FSTL4: variants seen among roughly 807,000 people sequenced by gnomAD.
FSTL4 encodes the protein follistatin like 4.
Under a neutral mutation model 78.2 loss-of-function variants are expected in FSTL4, and 28 were observed. The observed-to-expected ratio is 0.36, with a 90% CI of 0.27 to 0.49. The LOEUF (loss-of-function observed/expected upper bound fraction) is 0.49. FSTL4 is among the 20% of genes least tolerant of loss of function. The probability of loss-of-function intolerance (pLI) is 0.98; values close to 1 mark genes in which losing one functional copy is unlikely to be tolerated. For missense variants in FSTL4, 922 were observed against 1,084.9 expected (o/e 0.85, Z 2.11); for synonymous variants, 422 against 440.5 (o/e 0.96, Z 0.53).
the FSTL4 span, among the ~76,000 whole-genome samples, chr5:133,687,522 G>A: frequency 1.4e-3 from 212 of 152,224 alleles, no homozygotes; most frequent in African/African-American, 4.8e-3. Flanking sequence ...GGAACACCCA[G>A]GGGGGCTTTA....
chr5:133,820,454 C>T, the FSTL4 span, among the ~76,000 whole-genome samples: 1 of 152,164 alleles, frequency 6.6e-6, no homozygotes, highest in Non-Finnish European at 1.5e-5. Context: ...GGGAAGCACC[C>T]TTGAAACCAG....
chr5:133,427,553 T>A (rs1322649538), intron 3 of FSTL4: 1 of 493,980 alleles, frequency 2.0e-6, no homozygotes, highest in Non-Finnish European at 4.3e-6. Flanking sequence ...CATGAGTGCT[T>A]CCAGCAATTA....
intron 3 of FSTL4, among the ~76,000 whole-genome samples, chr5:133,543,318 T>C (rs1055445867): frequency 2.6e-5 from 4 of 152,072 alleles, no homozygotes; most frequent in African/African-American, 7.2e-5. Context: ...TCCCAAAGAG[T>C]TGGGATTACA....
At chr5:133,636,967 C>T in the FSTL4 span, among the ~76,000 whole-genome samples, 6 of 152,218 alleles carry the variant, frequency 3.9e-5, no homozygotes, top group East Asian at 1.2e-3. Flanking sequence ...GGTTACACAG[C>T]TGGTAAGGAA....
the FSTL4 span, among the ~76,000 whole-genome samples, chr5:133,645,858 C>G: frequency 6.6e-6 from 1 of 152,136 alleles, no homozygotes; most frequent in Admixed American, 6.5e-5. Flanking sequence ...TCCTCTAGAG[C>G]CTTTGGAGGG....
intron 3 of FSTL4, among the ~76,000 whole-genome samples, chr5:133,505,906 C>G (rs1010579056): frequency 2.0e-5 from 3 of 152,232 alleles, no homozygotes; most frequent in Non-Finnish European, 4.4e-5. Flanking sequence ...TCTTCTCAAT[C>G]CCCATCAAAA....
chr5:133,602,547 CA>C (rs1242476193), intron 2 of FSTL4, among the ~76,000 whole-genome samples: 1 of 152,278 alleles, frequency 6.6e-6, no homozygotes, highest in East Asian at 1.9e-4. Context: ...AAATATTCAA[CA>C]ATATATGTGT....
the FSTL4 span, among the ~76,000 whole-genome samples, chr5:133,700,373 C>G: frequency 9.2e-5 from 14 of 151,716 alleles, no homozygotes; most frequent in Non-Finnish European, 1.6e-4. Flanking sequence ...CCACACCAAA[C>G]CACCACACCA....
At chr5:133,818,633 C>T in the FSTL4 span, among the ~76,000 whole-genome samples, 1 of 152,046 alleles carries the variant, frequency 6.6e-6, no homozygotes, top group Admixed American at 6.5e-5. Flanking sequence ...AGCCTACTCA[C>T]GAAGTGCATT....
chr5:133,342,609 A>G (rs1284244478), intron 4 of FSTL4, among the ~76,000 whole-genome samples: 1 of 152,116 alleles, frequency 6.6e-6, no homozygotes, highest in Non-Finnish European at 1.5e-5. Context: ...AGGGCCTACT[A>G]TGGACGTCCA....
chr5:133,330,065 A>G (rs1754307359), intron 4 of FSTL4, among the ~76,000 whole-genome samples: 1 of 152,168 alleles, frequency 6.6e-6, no homozygotes, highest in African/African-American at 2.4e-5. Flanking sequence ...AGTTGTCAAC[A>G]TAACAGACGT....
the FSTL4 span, among the ~76,000 whole-genome samples, chr5:133,801,120 G>C: frequency 6.6e-6 from 1 of 151,998 alleles, no homozygotes; most frequent in Non-Finnish European, 1.5e-5. Context: ...TCCTCTCACC[G>C]ACCTCCAGAT....
intron 4 of FSTL4, among the ~76,000 whole-genome samples, chr5:133,344,397 G>GAACATTATCAACATTCTGATGA (rs1461918594): frequency 3.3e-5 from 5 of 152,112 alleles, no homozygotes; most frequent in African/African-American, 1.2e-4. Context: ...AATGAATAAA[G>GAACATTATCAACATTCTGATGA]AACATTATCA....
At chr5:133,378,791 A>T (rs1755501953) in intron 4 of FSTL4, among the ~76,000 whole-genome samples, 1 of 152,164 alleles carries the variant, frequency 6.6e-6, no homozygotes, top group East Asian at 1.9e-4. Flanking sequence ...GTATCATTAA[A>T]TGACTTAAAA....
At chr5:133,745,951 T>C in the FSTL4 span, among the ~76,000 whole-genome samples, 2 of 152,338 alleles carry the variant, frequency 1.3e-5, no homozygotes, top group South Asian at 4.1e-4. Context: ...GGACAGTTAA[T>C]GATTTCAAGG....
rs1470415003 is a variant in FSTL4, at chr5:133,316,617, T to C, written c.445A>G (p.Lys149Glu). Residue 149 changes from lysine to glutamate, a missense_variant, in exon 5 of 16, where the codon AAG becomes GAG. By Grantham distance (56) the Lys-to-Glu change is moderately conservative (BLOSUM62 1). Transcript: ENST00000265342. The part of the protein sequence containing the change: ...TCTMAGYARL[K>E]NVLLALQTRL... ...GTCTGGAGTGCCAGAAGGACATTCT[T>C]CAAGCGGGCGTAGCCGGCCATGGTG... 6.2e-7 allele frequency: 1 copy of C among 1,613,836 alleles called. No individual in the cohort carries two copies. The highest frequency in any genetic ancestry group is 1.6e-4 in the Middle Eastern group (1 of 6,084).
At chr5:133,831,371 C>T in the FSTL4 span, among the ~76,000 whole-genome samples, 1 of 152,148 alleles carries the variant, frequency 6.6e-6, no homozygotes, top group Non-Finnish European at 1.5e-5. Flanking sequence ...TTTAATGACT[C>T]TTAAGTGCTT....
the FSTL4 span, among the ~76,000 whole-genome samples, chr5:133,644,279 C>T: frequency 6.6e-6 from 1 of 152,086 alleles, no homozygotes; most frequent in African/African-American, 2.4e-5. Flanking sequence ...TTTGTTCCAA[C>T]TTCTGAGTAA....
At chr5:133,691,590 C>T in the FSTL4 span, among the ~76,000 whole-genome samples, 6 of 152,066 alleles carry the variant, frequency 3.9e-5, no homozygotes, top group African/African-American at 9.7e-5. Context: ...GCTGAGTCAC[C>T]ACTGAACTCT....
Sources: allele counts gnomAD v4.1 joint callset (sites outside exome capture counted in the v4.1 genomes callset), GRCh38; gene constraint gnomAD v4.1.1; transcripts MANE v1.5; gene names NCBI Gene and HGNC (gene_info 2026-07-23, HGNC 2026-07-21).